The following CCSER1 variants were observed in gnomAD, a reference collection of about 807,000 sequenced individuals.
CCSER1 encodes serine-rich coiled-coil domain-containing protein 1.
In CCSER1, 41 loss-of-function variants were observed where a neutral mutation model predicts 82.0. That is an observed-to-expected ratio of 0.50 (90% CI 0.39 to 0.65). CCSER1 has a LOEUF of 0.65. Ranked by LOEUF, CCSER1 falls within the 30% of genes least tolerant of loss-of-function variation. The pLI, the probability that CCSER1 is intolerant of heterozygous loss-of-function variation, is 0.00. For missense variants in CCSER1, 1,119 were observed against 1,064.2 expected (o/e 1.05, Z -0.72); for synonymous variants, 414 against 383.9 (o/e 1.08, Z -0.92).
At chr4:90,987,030 G>A (rs1736635009) in intron 9 of CCSER1, among the ~76,000 whole-genome samples, 3 of 151,542 alleles carry the variant, frequency 2.0e-5, no homozygotes, top group African/African-American at 7.3e-5. Flanking sequence ...ATCAGAATTT[G>A]TAAATTAGGT....
At chr4:90,826,631 G>A (rs942656438) in intron 8 of CCSER1, among the ~76,000 whole-genome samples, 9 of 152,006 alleles carry the variant, frequency 5.9e-5, no homozygotes, top group Admixed American at 5.9e-4. Context: ...AAATTCAGGG[G>A]GATTATGTGA....
chr4:91,186,431 T>A (rs1734540584), intron 10 of CCSER1, among the ~76,000 whole-genome samples: 3 of 151,984 alleles, frequency 2.0e-5, no homozygotes, highest in Admixed American at 2.0e-4. Context: ...AGTACTTGGG[T>A]GTCCTCCAGC....
intron 9 of CCSER1, among the ~76,000 whole-genome samples, chr4:90,928,866 C>A (rs1729383401): frequency 6.6e-6 from 1 of 152,032 alleles, no homozygotes; most frequent in Non-Finnish European, 1.5e-5. Flanking sequence ...AAATTATATT[C>A]TAGATTATAA....
chr4:90,687,184 T>A (rs1462419732), intron 6 of CCSER1, among the ~76,000 whole-genome samples: 2 of 152,224 alleles, frequency 1.3e-5, no homozygotes, highest in African/African-American at 4.8e-5. Context: ...ATTCTCTCAA[T>A]GTCTAAAGTC....
At chr4:90,835,213 C>T (rs1399007944) in intron 8 of CCSER1, among the ~76,000 whole-genome samples, 3 of 152,066 alleles carry the variant, frequency 2.0e-5, no homozygotes, top group East Asian at 1.9e-4. Flanking sequence ...CGCCTGTAGT[C>T]CCAGCTACTC....
intron 4 of CCSER1, among the ~76,000 whole-genome samples, chr4:90,452,044 A>C (rs1319391143): frequency 6.6e-6 from 1 of 152,084 alleles, no homozygotes; most frequent in African/African-American, 2.4e-5. Context: ...TGCCCTCATG[A>C]GGGCAATTAG....
chr4:90,629,490 C>G (rs1723950648), intron 6 of CCSER1, among the ~76,000 whole-genome samples: 1 of 152,160 alleles, frequency 6.6e-6, no homozygotes, highest in Admixed American at 6.5e-5. Context: ...ACCATCAGAT[C>G]TCATGAGACT....
In CCSER1 at chr4:90,449,296, A is replaced by G. The variant is rs145802590; in HGVS notation, c.1604-18938A>G. Among the ~76,000 whole-genome samples the G allele has an allele frequency of 5.8e-3, 876 of 152,290 alleles. 3 individuals are homozygous for G. Among genetic ancestry groups the G allele is most frequent in the Non-Finnish European group, 7.9e-3 (536 of 68,012 alleles). Reference sequence around the variant, plus strand: ...AGTCTGGGGTTTTTATGGACTTCACAGGGGAGGAAGTGAGTGCTGATGGGT... The same window carrying G: ...AGTCTGGGGTTTTTATGGACTTCACGGGGGAGGAAGTGAGTGCTGATGGGT... On this transcript the variant is annotated intron_variant, in intron 4 of 10. Transcript: ENST00000509176.
chr4:91,590,953 A>T (rs536439735), intron 10 of CCSER1, among the ~76,000 whole-genome samples: 2 of 152,230 alleles, frequency 1.3e-5, no homozygotes, highest in East Asian at 1.9e-4. Context: ...TATATCACTG[A>T]TCATTTTTAT....
intron 10 of CCSER1, among the ~76,000 whole-genome samples, chr4:91,212,567 G>A (rs1254460873): frequency 1.3e-5 from 2 of 151,880 alleles, no homozygotes; most frequent in African/African-American, 4.8e-5. Context: ...GGAGCAAGAG[G>A]GAAAAATGTA....
At chr4:91,000,354 T>A (rs912876435) in intron 9 of CCSER1, among the ~76,000 whole-genome samples, 3 of 152,072 alleles carry the variant, frequency 2.0e-5, no homozygotes, top group African/African-American at 7.2e-5. Flanking sequence ...AATTGGGTAA[T>A]GTTATGCCTC....
At chr4:90,719,502 A>G (rs1425798328) in intron 6 of CCSER1, among the ~76,000 whole-genome samples, 4 of 152,144 alleles carry the variant, frequency 2.6e-5, no homozygotes, top group Non-Finnish European at 4.4e-5. Flanking sequence ...TTTCCATGAA[A>G]ACGGTCCCTC....
chr4:91,390,565 G>A (rs749922797), intron 10 of CCSER1, among the ~76,000 whole-genome samples: 13 of 151,742 alleles, frequency 8.6e-5, no homozygotes, highest in Non-Finnish European at 1.9e-4. Context: ...AATGAATCAA[G>A]TACCCTAGAA....
intron 10 of CCSER1, among the ~76,000 whole-genome samples, chr4:91,217,419 C>T (rs1292633500): frequency 1.3e-5 from 2 of 152,238 alleles, no homozygotes; most frequent in Non-Finnish European, 2.9e-5. Context: ...AGAGTCTCAA[C>T]ACACAGGTTC....
chr4:91,134,187 G>A (rs577149913), intron 10 of CCSER1, among the ~76,000 whole-genome samples: 4 of 152,274 alleles, frequency 2.6e-5, no homozygotes, highest in African/African-American at 7.2e-5. Context: ...GAGGCCAGGA[G>A]TTAGAGACCA....
intron 10 of CCSER1, among the ~76,000 whole-genome samples, chr4:91,363,038 A>G (rs1174872708): frequency 6.6e-6 from 1 of 151,750 alleles, no homozygotes; most frequent in South Asian, 2.1e-4. Flanking sequence ...TAGGCTCCCA[A>G]GGGATCTTCA....
chr4:90,157,147 G>T (rs1452421189), intron 1 of CCSER1, among the ~76,000 whole-genome samples: 1 of 152,082 alleles, frequency 6.6e-6, no homozygotes, highest in Non-Finnish European at 1.5e-5. Flanking sequence ...TAGTTTGGCT[G>T]GATATGAAAT....
At chr4:90,275,931 A>T (rs1440731765) in intron 1 of CCSER1, among the ~76,000 whole-genome samples, 1 of 152,174 alleles carries the variant, frequency 6.6e-6, no homozygotes, top group East Asian at 1.9e-4. Flanking sequence ...AGTAATCTAA[A>T]TTTTATATAC....
chr4:91,458,401 T>C (rs1312840886), intron 10 of CCSER1, among the ~76,000 whole-genome samples: 1 of 152,138 alleles, frequency 6.6e-6, no homozygotes, highest in Non-Finnish European at 1.5e-5. Flanking sequence ...TACAGTACCA[T>C]GCATGCTGTT....
Sources: gnomAD v4.1 joint callset for allele counts (sites outside exome capture counted in the v4.1 genomes callset) on GRCh38, gnomAD v4.1.1 for gene constraint, MANE v1.5 for transcripts, NCBI Gene and HGNC (gene_info 2026-07-23, HGNC 2026-07-21) for gene names.